Variants in COPG2 observed in about 807,000 individuals in gnomAD.
The protein encoded by COPG2 is coatomer subunit gamma-2.
A neutral mutation model predicts 46.3 loss-of-function variants in COPG2; 37 were observed. That is an observed-to-expected ratio of 0.80 (90% CI 0.61 to 1.05). The LOEUF is 1.05. Among genes scored for constraint, COPG2 ranks in the 50% least tolerant of loss-of-function variants. The pLI is 0.00. For synonymous variants in COPG2, 159 were observed against 129.7 expected, an observed-to-expected ratio of 1.23 and a Z score of -1.53; for missense variants, 427 against 387.8, an observed-to-expected ratio of 1.10 and a Z score of -0.85.
At chr7:130,660,941 A>G (rs1795965079) in intron 4 of COPG2, among the ~76,000 whole-genome samples, 1 of 152,172 alleles carries the variant, frequency 6.6e-6, no homozygotes, top group Admixed American at 6.5e-5. Flanking sequence ...CCAACCACTC[A>G]ACTTTTTTGC....
At chr7:130,642,486 A>G (rs1554457495) in intron 5 of COPG2, among the ~76,000 whole-genome samples, 1 of 152,182 alleles carries the variant, frequency 6.6e-6, no homozygotes, top group African/African-American at 2.4e-5. Context: ...GTTTATACGA[A>G]GAGAATCATC....
At chr7:130,513,359 GTATATATA>G (rs1159332493) in intron 20 of COPG2, among the ~76,000 whole-genome samples, 5 of 36,680 alleles carry the variant, frequency 1.4e-4, no homozygotes, top group African/African-American at 3.2e-4. Flanking sequence ...GTGTGTGTGT[GTATATATA>G]TATATATATG....
chr7:130,591,970 CG>C (rs1563053070), intron 9 of COPG2, among the ~76,000 whole-genome samples: 1 of 152,118 alleles, frequency 6.6e-6, no homozygotes, highest in Non-Finnish European at 1.5e-5. Flanking sequence ...GGGGGAAAGG[CG>C]GGGAAAAGAT....
intron 9 of COPG2, among the ~76,000 whole-genome samples, chr7:130,568,635 C>T (rs1793844297): frequency 6.6e-6 from 1 of 152,186 alleles, no homozygotes; most frequent in Non-Finnish European, 1.5e-5. Context: ...ACTCCACTGA[C>T]AGCACGAGAC....
intron 5 of COPG2, among the ~76,000 whole-genome samples, chr7:130,628,560 C>T (rs1795162987): frequency 6.6e-6 from 1 of 152,108 alleles, no homozygotes; most frequent in African/African-American, 2.4e-5. Context: ...TTTAGACATA[C>T]AGCTATTGTC....
At chr7:130,533,134 A>G (rs1799845145) in intron 20 of COPG2, among the ~76,000 whole-genome samples, 1 of 152,026 alleles carries the variant, frequency 6.6e-6, no homozygotes, top group Non-Finnish European at 1.5e-5. Context: ...CAGCTTAGAG[A>G]GGTGAGCTTG....
chr7:130,512,813 C>G (rs1554441202), intron 20 of COPG2, among the ~76,000 whole-genome samples: 1 of 152,116 alleles, frequency 6.6e-6, no homozygotes, highest in Non-Finnish European at 1.5e-5. Context: ...TAGACTATTG[C>G]ACAGTGTTCC....
In COPG2 at chr7:130,643,932, G is replaced by C. The variant is rs557152383; in HGVS notation, c.323+8937C>G. Among the ~76,000 whole-genome samples the C allele has an allele frequency of 1.1e-4, 16 of 152,290 alleles. No homozygotes were observed. In the East Asian group the frequency reaches 2.5e-3, roughly 24 times the overall value. On this transcript the variant is annotated intron_variant, in intron 5 of 23. Coordinates refer to ENST00000425248, the MANE Select transcript of COPG2 (RefSeq NM_012133.6). ...TGCAGTGATCTGTGATCACACCACT[G>C]CACTCCAGCCTGGGTGACAGAGAGA...
rs182270199 is a variant in COPG2, at chr7:130,588,840, A to G, written c.737+22113T>C. On this transcript the variant is annotated intron_variant, in intron 9 of 23. Transcript: ENST00000425248. ...AACATGGAGACAGTCCTCTTTGACA[A>G]TCTTCCCCAATGCAGTCCTCTTCTC... 2.0e-4 allele frequency among the ~76,000 whole-genome samples: 31 copies of G among 152,268 alleles called. No individual in the cohort carries two copies. In the East Asian group the frequency reaches 5.4e-3, roughly 26 times the overall value.
At chr7:130,650,723 T>C (rs1048057555) in intron 5 of COPG2, among the ~76,000 whole-genome samples, 35 of 152,160 alleles carry the variant, frequency 2.3e-4, no homozygotes, top group Admixed American at 1.1e-3. Context: ...AATCTAAAAA[T>C]TGCCTTGGGA....
intron 9 of COPG2, among the ~76,000 whole-genome samples, chr7:130,596,831 T>C (rs1181419204): frequency 2.0e-5 from 3 of 152,240 alleles, no homozygotes; most frequent in Admixed American, 2.0e-4. Flanking sequence ...AAGAGGAAAC[T>C]ATACTGTTCT....
intron 5 of COPG2, among the ~76,000 whole-genome samples, chr7:130,644,215 T>C (rs1245056768): frequency 6.6e-5 from 10 of 152,196 alleles, no homozygotes; most frequent in Admixed American, 6.5e-4. Flanking sequence ...TGGAAAGGGC[T>C]ACTTTGTCCC....
At chr7:130,613,455 T>C (rs1794892489) in intron 7 of COPG2, 89 bp downstream of exon 7, 1 of 814,820 alleles carries the variant, frequency 1.2e-6, no homozygotes, top group South Asian at 1.5e-5. Context: ...TTTAACTGTT[T>C]CATTTGTGAG....
Position 130,583,544 on chromosome 7 carries a change from C to T in COPG2, c.738-19151G>A, listed in dbSNP as rs544716520. On this transcript the variant is annotated intron_variant, in intron 9 of 23. Coordinates refer to ENST00000425248, the MANE Select transcript of COPG2 (RefSeq NM_012133.6). ...AGCCCAGGCCTGGTGCAGTGGCTCA[C>T]GCCTGTAATCCCAGCACTTTGGGAG... Among the ~76,000 whole-genome samples, 439 of 143,578 alleles carry T rather than the reference C, an allele frequency of 3.1e-3. 6 individuals are homozygous for T. Among genetic ancestry groups the T allele is most frequent in the South Asian group, 5.6e-3 (25 of 4,502 alleles). 94.2% of individuals were successfully genotyped at this position (143,578 alleles called of 152,430 possible).
intron 4 of COPG2, among the ~76,000 whole-genome samples, chr7:130,658,558 A>G (rs1016997140): frequency 2.0e-5 from 3 of 152,204 alleles, no homozygotes; most frequent in African/African-American, 2.4e-5. Context: ...TAAAAAAAAA[A>G]TAATAGTCCA....
At chr7:130,659,761 A>C (rs1336803064) in intron 4 of COPG2, among the ~76,000 whole-genome samples, 1 of 152,016 alleles carries the variant, frequency 6.6e-6, no homozygotes, top group African/African-American at 2.4e-5. Context: ...AAAATACAAA[A>C]ATTAGACAGG....
chr7:130,647,615 T>C (rs925311288), intron 5 of COPG2, among the ~76,000 whole-genome samples: 1 of 152,168 alleles, frequency 6.6e-6, no homozygotes, highest in African/African-American at 2.4e-5. Flanking sequence ...CTATCTACAG[T>C]GTATGGGAGT....
chr7:130,538,965 C>T (rs886923015), intron 20 of COPG2, among the ~76,000 whole-genome samples: 3 of 152,078 alleles, frequency 2.0e-5, no homozygotes, highest in Non-Finnish European at 4.4e-5. Context: ...TAAATGGGCA[C>T]AGTGGGCATG....
At chr7:130,595,438 T>C (rs1160848911) in intron 9 of COPG2, among the ~76,000 whole-genome samples, 1 of 152,214 alleles carries the variant, frequency 6.6e-6, no homozygotes, top group African/African-American at 2.4e-5. Context: ...TTAGTGGTGG[T>C]GGTTACATAG....
Sources: gnomAD v4.1 joint callset for allele counts (sites outside exome capture counted in the v4.1 genomes callset) on GRCh38, gnomAD v4.1.1 for gene constraint, MANE v1.5 for transcripts, NCBI Gene and HGNC (gene_info 2026-07-23, HGNC 2026-07-21) for gene names.